IL1RL2: variants seen among roughly 807,000 people sequenced by gnomAD.
IL1RL2 encodes the protein interleukin-1 receptor-like 2.
In IL1RL2, 68 loss-of-function variants were observed where a neutral mutation model predicts 66.8. That is an observed-to-expected ratio of 1.02 (90% CI 0.84 to 1.25). The LOEUF is 1.25. Ranked by LOEUF, IL1RL2 falls within the 50% of genes most tolerant of loss-of-function variation. The pLI is 0.00. For synonymous variants in IL1RL2, 305 were observed against 264.6 expected, an observed-to-expected ratio of 1.15 and a Z score of -1.48; for missense variants, 729 against 709.3, an observed-to-expected ratio of 1.03 and a Z score of -0.32.
At chr2:102,223,709 G>A (rs911479463) in intron 8 of IL1RL2, among the ~76,000 whole-genome samples, 4 of 152,148 alleles carry the variant, frequency 2.6e-5, no homozygotes, top group African/African-American at 7.2e-5. Flanking sequence ...CATTAGTATT[G>A]TGGGCATGGT....
chr2:102,239,265 G>C lies in IL1RL2; in HGVS notation c.*24G>C, dbSNP rs1465146996. 6.2e-7 allele frequency: 1 copy of C among 1,609,932 alleles called. No individual in the cohort carries two copies. The highest frequency in any genetic ancestry group is 8.5e-7 in the Non-Finnish European group (1 of 1,176,164). ...AAGACTTGCTGGACTGACACCTATG[G>C]CTGGAAGATGACTTGTTTTGCTCCA... On this transcript the variant is annotated 3_prime_UTR_variant, in exon 12 of 12. Coordinates refer to ENST00000264257, the MANE Select transcript of IL1RL2 (RefSeq NM_003854.4).
chr2:102,217,811 C>G (rs371671752), intron 6 of IL1RL2, among the ~76,000 whole-genome samples: 3 of 152,088 alleles, frequency 2.0e-5, no homozygotes, highest in African/African-American at 7.2e-5. Context: ...AAATATAAGC[C>G]TGAAACTATG....
chr2:102,189,089 C>T lies in IL1RL2; in HGVS notation c.72C>T (p.Asp24=). 1 of 1,613,340 alleles carries T rather than the reference C, an allele frequency of 6.2e-7. No homozygotes were observed. Among genetic ancestry groups the T allele is most frequent in the Non-Finnish European group, 8.5e-7 (1 of 1,179,458 alleles). Residue 24 remains aspartate, a synonymous_variant, in exon 3 of 12, where the codon GAC becomes GAT. Coordinates refer to ENST00000264257, the MANE Select transcript of IL1RL2 (RefSeq NM_003854.4). ...PLSVTADGCK[D]IFMKNEILSA... ...TTCTTTCCCTAGATGGATGCAAGGA[C>T]ATTTTTATGAAAAATGAGATACTTT...
chr2:102,187,125 G>A, intron 1 of IL1RL2, 39 bp downstream of exon 1: 1 of 1,287,132 alleles, frequency 7.8e-7, no homozygotes, highest in Middle Eastern at 2.2e-4. Context: ...GCCAGGCATG[G>A]GTGGGGCCCT....
rs186118298 is a variant in IL1RL2 at position 102,236,335 on chromosome 2, C to G, written c.1678+1058C>G. 1.1e-4 allele frequency among the ~76,000 whole-genome samples: 17 copies of G among 152,160 alleles called. No homozygotes were observed. In the East Asian group the frequency reaches 3.1e-3, roughly 28 times the overall value. On this transcript the variant is annotated intron_variant, in intron 11 of 11. Transcript: ENST00000264257. ...GAGGGAGCCAGAGGGTGTCAGGAGG[C>G]CTGTGGTCTTAGGATGGCATGGGGA...
At chr2:102,223,197 C>A (rs1167934088) in intron 8 of IL1RL2, among the ~76,000 whole-genome samples, 1 of 152,132 alleles carries the variant, frequency 6.6e-6, no homozygotes, top group Non-Finnish European at 1.5e-5. Context: ...TTTTGTTTGT[C>A]CTGAGTTCCT....
chr2:102,230,033 G>A (rs1219238838), intron 9 of IL1RL2, among the ~76,000 whole-genome samples: 2 of 152,174 alleles, frequency 1.3e-5, no homozygotes, highest in Non-Finnish European at 2.9e-5. Context: ...TAGTGGCAGG[G>A]TCTGGGACAA....
At chr2:102,215,957 A>G (rs1689577977) in intron 6 of IL1RL2, among the ~76,000 whole-genome samples, 1 of 152,206 alleles carries the variant, frequency 6.6e-6, no homozygotes, top group Non-Finnish European at 1.5e-5. Flanking sequence ...GACACAAGAA[A>G]CATGAAAAAA....
At chr2:102,202,927 GTGT>G (rs1688392860) in intron 5 of IL1RL2, among the ~76,000 whole-genome samples, 1 of 152,176 alleles carries the variant, frequency 6.6e-6, no homozygotes, top group South Asian at 2.1e-4. Context: ...TTGAATAACA[GTGT>G]TGACAGTGGG....
intron 5 of IL1RL2, among the ~76,000 whole-genome samples, chr2:102,206,189 T>G (rs903543032): frequency 6.6e-6 from 1 of 152,210 alleles, no homozygotes; most frequent in African/African-American, 2.4e-5. Context: ...AACACAGCTA[T>G]TTTGAATTCT....
At chr2:102,221,912 T>G (rs1690174486) in intron 8 of IL1RL2, among the ~76,000 whole-genome samples, 1 of 152,218 alleles carries the variant, frequency 6.6e-6, no homozygotes, top group South Asian at 2.1e-4. Flanking sequence ...AACACAGAAT[T>G]TCTACATCAC....
chr2:102,205,134 A>G (rs1688599325), intron 5 of IL1RL2, among the ~76,000 whole-genome samples: 1 of 152,166 alleles, frequency 6.6e-6, no homozygotes, highest in Non-Finnish European at 1.5e-5. Context: ...CAAAAAGAAA[A>G]CTAATAAAAA....
intron 5 of IL1RL2, among the ~76,000 whole-genome samples, chr2:102,205,764 A>T (rs986204102): frequency 2.0e-5 from 3 of 152,006 alleles, no homozygotes; most frequent in Non-Finnish European, 4.4e-5. Context: ...GTATTTGGGG[A>T]CTGATATCTT....
At chr2:102,236,284 C>T (rs1052867441) in intron 11 of IL1RL2, among the ~76,000 whole-genome samples, 2 of 152,128 alleles carry the variant, frequency 1.3e-5, no homozygotes, top group Admixed American at 1.3e-4. Context: ...GGAGTCAGCC[C>T]TGAGAGCCAG....
intron 5 of IL1RL2, among the ~76,000 whole-genome samples, chr2:102,205,044 C>T (rs1559539433): frequency 6.6e-6 from 1 of 151,702 alleles, no homozygotes; most frequent in East Asian, 1.9e-4. Context: ...TTGAGGTTTC[C>T]ATGAGGCTTG....
chr2:102,236,995 C>T (rs534946727), intron 11 of IL1RL2, among the ~76,000 whole-genome samples: 10 of 152,286 alleles, frequency 6.6e-5, no homozygotes, highest in Middle Eastern at 3.4e-3. Context: ...TTTCGTCTGA[C>T]GGGTCAGCTT....
At chr2:102,197,844 C>G (rs1042804919) in intron 4 of IL1RL2, among the ~76,000 whole-genome samples, 2 of 152,156 alleles carry the variant, frequency 1.3e-5, no homozygotes, top group Admixed American at 6.5e-5. Context: ...AGCGGCAACT[C>G]CTGGTCTCTG....
At chr2:102,206,865 T>G (rs1688749744) in intron 5 of IL1RL2, among the ~76,000 whole-genome samples, 2 of 152,188 alleles carry the variant, frequency 1.3e-5, no homozygotes, top group South Asian at 4.1e-4. Context: ...GATCCAGAGG[T>G]GCCATCTAGG....
At chr2:102,242,809 A>G (rs551951815), downstream of IL1RL2, among the ~76,000 whole-genome samples, 10 of 152,364 alleles carry the variant, frequency 6.6e-5, no homozygotes, top group African/African-American at 2.4e-4. Flanking sequence ...AAGGTAAACC[A>G]TCACATGGAT....
Sources: gnomAD v4.1 joint callset for allele counts (sites outside exome capture counted in the v4.1 genomes callset) on GRCh38, gnomAD v4.1.1 for gene constraint, MANE v1.5 for transcripts, NCBI Gene and HGNC (gene_info 2026-07-23, HGNC 2026-07-21) for gene names.